The following B3GAT2 variants were observed in gnomAD, a reference collection of about 807,000 sequenced individuals.
The protein encoded by B3GAT2 is galactosylgalactosylxylosylprotein 3-beta-glucuronosyltransferase 2.
B3GAT2 carries 26 observed loss-of-function variants against 27.8 expected under a neutral mutation model. The ratio of observed to expected loss-of-function variants is 0.93; its 90% CI spans 0.68 to 1.30. B3GAT2 has a LOEUF of 1.30. B3GAT2 is among the 50% of genes most tolerant of loss of function. The pLI, the probability that B3GAT2 is intolerant of heterozygous loss-of-function variation, is 0.00. For synonymous variants in B3GAT2, 218 were observed against 195.1 expected (o/e 1.12, Z -0.98); for missense variants, 458 against 459.0 (o/e 1.00, Z 0.02).
In B3GAT2 at chr6:70,857,010, T is replaced by C. The variant is rs1159258540; in HGVS notation, c.*4653A>G. 6.2e-7 allele frequency: 1 copy of C among 1,609,956 alleles called. No individual in the cohort carries two copies. The highest frequency in any genetic ancestry group is 8.5e-7 in the Non-Finnish European group (1 of 1,177,912). On this transcript the variant is annotated 3_prime_UTR_variant, in exon 4 of 4. Coordinates refer to ENST00000230053, the MANE Select transcript of B3GAT2 (RefSeq NM_080742.3). ...TTATCTCTGTATGGCACAGGAACCA[T>C]TCAACAGCAAAGTACTCCTGGTAAT...
Position 70,861,875 on chromosome 6 carries a change from TATCTGTTTGAG to T in B3GAT2, c.829_839del (p.Leu277AsnfsTer12). The stretch of plus-strand genomic sequence containing the variant: ...TCGGTTCCAGTTCTTCGACTGTTGT[TATCTGTTTGAG>T]AAAGTCAGATTCTTGCATCCCTGGC... On this transcript the variant is annotated frameshift_variant, in exon 3 of 4. Coordinates refer to ENST00000230053, the MANE Select transcript of B3GAT2 (RefSeq NM_080742.3). LOFTEE classifies it high-confidence loss of function. 1 of 1,614,128 alleles carries T rather than the reference TATCTGTTTGAG, an allele frequency of 6.2e-7. No individual in the cohort carries two copies. The highest frequency in any genetic ancestry group is 1.1e-5 in the South Asian group (1 of 91,082).
At position 70,871,577 on chromosome 6, in the gene B3GAT2, C is replaced by T. The variant is rs570994676; in HGVS notation, c.737-9599G>A. Among the ~76,000 whole-genome samples the T allele has an allele frequency of 1.8e-3, 273 of 151,930 alleles. 1 individual carries two copies. The highest frequency in any genetic ancestry group is 6.3e-3 in the African/African-American group (261 of 41,476). On this transcript the variant is annotated intron_variant, in intron 2 of 3. Coordinates refer to ENST00000230053, the MANE Select transcript of B3GAT2 (RefSeq NM_080742.3). ...TTTATGTAAGGTTGGTATTAATATTCGTGCTTTCATTCCTGATTTTAGTAA... is the reference window on the plus strand; with the variant it reads ...TTTATGTAAGGTTGGTATTAATATTTGTGCTTTCATTCCTGATTTTAGTAA...
At chr6:70,955,784 G>T in intron 1 of B3GAT2, 55 bp downstream of exon 1, 1 of 1,489,348 alleles carries the variant, frequency 6.7e-7, no homozygotes, top group Non-Finnish European at 8.9e-7. Flanking sequence ...CAGCCCGGCC[G>T]GCCCGGAGGC....
chr6:70,947,396 GA>G (rs1765506628), intron 1 of B3GAT2, among the ~76,000 whole-genome samples: 1 of 151,992 alleles, frequency 6.6e-6, no homozygotes, highest in Non-Finnish European at 1.5e-5. Flanking sequence ...TGATAAAGGG[GA>G]TATCACCACC....
intron 2 of B3GAT2, among the ~76,000 whole-genome samples, chr6:70,890,548 T>G (rs1772270864): frequency 6.6e-6 from 1 of 152,236 alleles, no homozygotes; most frequent in Non-Finnish European, 1.5e-5. Context: ...AATGATAATT[T>G]GTATAATTAC....
At chr6:70,915,517 T>G (rs773395380) in intron 1 of B3GAT2, among the ~76,000 whole-genome samples, 1 of 152,236 alleles carries the variant, frequency 6.6e-6, no homozygotes, top group Admixed American at 6.5e-5. Context: ...TAGGTTTTTT[T>G]GTAGGGTTTT....
chr6:70,932,906 A>G lies in B3GAT2; in HGVS notation c.591+22933T>C, dbSNP rs148223971. 5.7e-3 allele frequency among the ~76,000 whole-genome samples: 869 copies of G among 152,244 alleles called. 5 individuals carry two copies. The highest frequency in any genetic ancestry group is 0.041 in the Middle Eastern group (12 of 294). On this transcript the variant is annotated intron_variant, in intron 1 of 3. Transcript: ENST00000230053. ...AACCTCAAACTCCAGGTCTCAAACAATCCTCCCACCTCAGCCTCTCAAGTA... is the reference window on the plus strand; with the variant it reads ...AACCTCAAACTCCAGGTCTCAAACAGTCCTCCCACCTCAGCCTCTCAAGTA...
In B3GAT2 at chr6:70,890,109, T is replaced by G. The variant is rs115102626; in HGVS notation, c.736+4019A>C. 2.6e-3 allele frequency among the ~76,000 whole-genome samples: 389 copies of G among 152,276 alleles called. 3 individuals are homozygous for G. The highest frequency in any genetic ancestry group is 9.2e-3 in the African/African-American group (382 of 41,550). On this transcript the variant is annotated intron_variant, in intron 2 of 3. Coordinates refer to ENST00000230053, the MANE Select transcript of B3GAT2 (RefSeq NM_080742.3). ...AAACCTAACTTTGCTCAGACCATTC[T>G]GCTTCCAGCGGTCTTTCTCCCATAC...
chr6:70,937,931 G>C (rs544020415), intron 1 of B3GAT2, among the ~76,000 whole-genome samples: 1 of 151,880 alleles, frequency 6.6e-6, no homozygotes, highest in South Asian at 2.1e-4. Context: ...GGACATAAAG[G>C]GTATTCAATT....
At chr6:70,889,564 C>A (rs112913305) in intron 2 of B3GAT2, among the ~76,000 whole-genome samples, 2 of 152,104 alleles carry the variant, frequency 1.3e-5, no homozygotes, top group Non-Finnish European at 1.5e-5. Context: ...CCAGGTGCAC[C>A]GCCTTACACA....
intron 2 of B3GAT2, among the ~76,000 whole-genome samples, chr6:70,876,480 G>A (rs969355973): frequency 1.3e-5 from 2 of 152,124 alleles, no homozygotes; most frequent in African/African-American, 4.8e-5. Context: ...AAGTGACTCA[G>A]GAAGGTACTT....
At chr6:70,949,902 C>T (rs1230287109) in intron 1 of B3GAT2, among the ~76,000 whole-genome samples, 3 of 151,902 alleles carry the variant, frequency 2.0e-5, no homozygotes, top group African/African-American at 7.3e-5. Flanking sequence ...ATGTCCTTTG[C>T]AGGGACATGG....
At chr6:70,879,212 T>G (rs528137014) in intron 2 of B3GAT2, among the ~76,000 whole-genome samples, 1 of 152,332 alleles carries the variant, frequency 6.6e-6, no homozygotes, top group Non-Finnish European at 1.5e-5. Context: ...TTGTTTGTTT[T>G]TTGAGAAAAA....
chr6:70,944,549 G>T (rs1765446387), intron 1 of B3GAT2, among the ~76,000 whole-genome samples: 1 of 152,206 alleles, frequency 6.6e-6, no homozygotes, highest in South Asian at 2.1e-4. Flanking sequence ...GGCTTGCTTA[G>T]GTAAACAAAG....
chr6:70,900,740 C>G (rs1363153228), intron 1 of B3GAT2, among the ~76,000 whole-genome samples: 2 of 152,128 alleles, frequency 1.3e-5, no homozygotes, highest in Non-Finnish European at 2.9e-5. Flanking sequence ...ATCAGAATGC[C>G]CTTAGAGCAA....
intron 2 of B3GAT2, among the ~76,000 whole-genome samples, chr6:70,870,322 A>G (rs1383427744): frequency 6.9e-6 from 1 of 145,782 alleles, no homozygotes; most frequent in Non-Finnish European, 1.5e-5. Flanking sequence ...GTTCTCACTC[A>G]TAGGTGGGAA....
chr6:70,912,908 T>A (rs1348170340), intron 1 of B3GAT2, among the ~76,000 whole-genome samples: 2 of 152,188 alleles, frequency 1.3e-5, no homozygotes, highest in African/African-American at 4.8e-5. Context: ...GGAGACTGTA[T>A]GTTTCCAAGA....
Position 70,956,418 on chromosome 6 carries a change from C to G in B3GAT2, c.12G>C (p.Ala4=). Residue 4 remains alanine, a synonymous_variant, in exon 1 of 4, where the codon GCG becomes GCC. Transcript: ENST00000230053. MKS[A]LFTRFFILLP... ...GGAGGATAAAGAAGCGGGTGAAAAG[C>G]GCGGACTTCATGGTGCACGCTCCCT... 6.4e-7 allele frequency: 1 copy of G among 1,551,460 alleles called. No individual in the cohort carries two copies. Among genetic ancestry groups the G allele is most frequent in the Non-Finnish European group, 8.7e-7 (1 of 1,146,958 alleles).
intron 1 of B3GAT2, among the ~76,000 whole-genome samples, chr6:70,897,670 AAT>A (rs3034203): frequency 9.0e-4 from 83 of 92,320 alleles, no homozygotes; most frequent in African/African-American, 2.2e-3. Flanking sequence ...AAAAAAAAAA[AAT>A]ATATATATAT....
Sources: gnomAD v4.1 joint callset for allele counts (sites outside exome capture counted in the v4.1 genomes callset) on GRCh38, gnomAD v4.1.1 for gene constraint, MANE v1.5 for transcripts, NCBI Gene and HGNC (gene_info 2026-07-23, HGNC 2026-07-21) for gene names.